Variants in ROBO1 observed in about 807,000 individuals in gnomAD.
ROBO1 encodes the protein roundabout homolog 1.
ROBO1 carries 149 observed loss-of-function variants against 195.9 expected under a neutral mutation model. That is an observed-to-expected ratio of 0.76 (90% confidence interval 0.67 to 0.87). The LOEUF is 0.87. ROBO1 is among the 40% of genes least tolerant of loss of function. ROBO1 has a pLI of 0.00. For missense variants in ROBO1, 1,933 were observed against 2,068.3 expected (o/e 0.93, Z 1.27); for synonymous variants, 816 against 733.2 (o/e 1.11, Z -1.82).
chr3:79,199,769 G>A (rs1164393723), intron 2 of ROBO1, among the ~76,000 whole-genome samples: 2 of 151,396 alleles, frequency 1.3e-5, no homozygotes, highest in African/African-American at 2.4e-5. Context: ...TTCAATCGTA[G>A]TACATTATTG....
chr3:79,108,485 A>C (rs2079826203), intron 3 of ROBO1, among the ~76,000 whole-genome samples: 1 of 151,856 alleles, frequency 6.6e-6, no homozygotes, highest in Non-Finnish European at 1.5e-5. Flanking sequence ...AATGTTAATA[A>C]CAATTTTTGT....
chr3:79,294,646 A>G (rs566370963), intron 2 of ROBO1, among the ~76,000 whole-genome samples: 1 of 152,194 alleles, frequency 6.6e-6, no homozygotes, highest in Non-Finnish European at 1.5e-5. Context: ...AGAAACAATC[A>G]TAAGGGTGAA....
intron 4 of ROBO1, among the ~76,000 whole-genome samples, chr3:78,861,898 G>A (rs1419250601): frequency 6.6e-6 from 1 of 152,190 alleles, no homozygotes; most frequent in Admixed American, 6.5e-5. Context: ...AACAGGGAAA[G>A]GCTGCCTGCC....
chr3:79,618,046 C>T (rs2107959990), intron 1 of ROBO1, among the ~76,000 whole-genome samples: 1 of 151,660 alleles, frequency 6.6e-6, no homozygotes, highest in South Asian at 2.1e-4. Flanking sequence ...AGACCAGGTC[C>T]TGTGAATTAA....
At chr3:78,662,773 T>C (rs192270843) in intron 14 of ROBO1, among the ~76,000 whole-genome samples, 1 of 152,308 alleles carries the variant, frequency 6.6e-6, no homozygotes, top group Admixed American at 6.5e-5. Flanking sequence ...AGTTTAGTTA[T>C]TGTATCATAG....
chr3:79,728,689 C>A (rs1342067157), intron 1 of ROBO1, among the ~76,000 whole-genome samples: 1 of 152,056 alleles, frequency 6.6e-6, no homozygotes, highest in Non-Finnish European at 1.5e-5. Context: ...AATCATTTCT[C>A]TGGTTAATTT....
intron 1 of ROBO1, among the ~76,000 whole-genome samples, chr3:79,699,155 C>G (rs150547905): frequency 6.6e-6 from 1 of 150,710 alleles, no homozygotes. Flanking sequence ...AAAAACAGTA[C>G]GTTTGAGTGA....
chr3:78,642,432 G>T (rs902524318), intron 21 of ROBO1, among the ~76,000 whole-genome samples: 4 of 152,174 alleles, frequency 2.6e-5, no homozygotes, highest in African/African-American at 7.2e-5. Flanking sequence ...CCCACTGGCA[G>T]ATTGAATGAG....
In ROBO1 at chr3:79,087,400, C is replaced by T. The variant is rs1038561702; in HGVS notation, c.172+38056G>A. Reference sequence around the variant, plus strand: ...AATGAAATAGAGGCAGGTTTCCAAACCTTTAATGATGTGATTAGTAAAAGA... The same window carrying T: ...AATGAAATAGAGGCAGGTTTCCAAATCTTTAATGATGTGATTAGTAAAAGA... On this transcript the variant is annotated intron_variant, in intron 3 of 30. Coordinates refer to ENST00000464233, the MANE Select transcript of ROBO1 (RefSeq NM_002941.4). 5.9e-5 allele frequency among the ~76,000 whole-genome samples: 9 copies of T among 152,128 alleles called. No homozygotes were observed. The East Asian group carries it at 1.7e-3, about 29-fold the overall frequency.
At chr3:79,603,158 G>T (rs1200922125) in intron 1 of ROBO1, among the ~76,000 whole-genome samples, 1 of 151,906 alleles carries the variant, frequency 6.6e-6, no homozygotes, top group Admixed American at 6.6e-5. Flanking sequence ...GTGAAATTGA[G>T]ATGGCTTGAA....
At chr3:79,458,382 A>T (rs2039687932) in intron 2 of ROBO1, among the ~76,000 whole-genome samples, 1 of 152,194 alleles carries the variant, frequency 6.6e-6, no homozygotes, top group South Asian at 2.1e-4. Context: ...ACTTCTTATG[A>T]AACACAATGC....
chr3:79,767,003 G>A (rs561889833), intron 1 of ROBO1, among the ~76,000 whole-genome samples: 1 of 151,794 alleles, frequency 6.6e-6, no homozygotes, highest in South Asian at 2.1e-4. Flanking sequence ...CAAAGTCCCC[G>A]CTGGCTTAGC....
At chr3:79,388,099 A>G (rs922756073) in intron 2 of ROBO1, among the ~76,000 whole-genome samples, 1 of 152,130 alleles carries the variant, frequency 6.6e-6, no homozygotes, top group Non-Finnish European at 1.5e-5. Flanking sequence ...TCATCTTTTG[A>G]CTGATCTTTT....
chr3:79,747,202 G>T (rs1298695464), intron 1 of ROBO1, among the ~76,000 whole-genome samples: 1 of 151,986 alleles, frequency 6.6e-6, no homozygotes, highest in East Asian at 1.9e-4. Context: ...AAAATGCAAT[G>T]CACTCAGGGA....
chr3:78,964,382 G>A (rs1317868669), intron 3 of ROBO1, among the ~76,000 whole-genome samples: 1 of 152,114 alleles, frequency 6.6e-6, no homozygotes, highest in Non-Finnish European at 1.5e-5. Flanking sequence ...CAAATGGGGT[G>A]TACAGGGGCA....
At chr3:78,871,076 T>C (rs1321199614) in intron 4 of ROBO1, among the ~76,000 whole-genome samples, 2 of 152,132 alleles carry the variant, frequency 1.3e-5, no homozygotes, top group African/African-American at 4.8e-5. Flanking sequence ...AAATACGAGA[T>C]GCTGCATCAC....
chr3:78,916,385 C>G (rs2038589930), intron 4 of ROBO1, among the ~76,000 whole-genome samples: 1 of 151,700 alleles, frequency 6.6e-6, no homozygotes, highest in South Asian at 2.1e-4. Context: ...AACCCCATCT[C>G]TACTAAAAAT....
Position 79,255,876 on chromosome 3 carries a change from G to C in ROBO1, c.89-130337C>G, listed in dbSNP as rs568429690. Among the ~76,000 whole-genome samples the C allele has an allele frequency of 7.0e-4, 106 of 152,246 alleles. 2 individuals are homozygous for C. In the South Asian group the frequency reaches 8.1e-3, roughly 12 times the overall value. On this transcript the variant is annotated intron_variant, in intron 2 of 30. Transcript: ENST00000464233. ...GTGAGGTAACATCTGCCTCAAAGCTGGGTCAGGATGGAGGCTGGATCATCT... is the reference window on the plus strand; with the variant it reads ...GTGAGGTAACATCTGCCTCAAAGCTCGGTCAGGATGGAGGCTGGATCATCT...
intron 1 of ROBO1, among the ~76,000 whole-genome samples, chr3:79,743,895 C>A (rs145983899): frequency 6.6e-6 from 1 of 152,150 alleles, no homozygotes; most frequent in Non-Finnish European, 1.5e-5. Flanking sequence ...GTCGTCTCTA[C>A]GGTAACACTG....
Sources: gnomAD v4.1 joint callset for allele counts (sites outside exome capture counted in the v4.1 genomes callset) on GRCh38, gnomAD v4.1.1 for gene constraint, MANE v1.5 for transcripts, NCBI Gene and HGNC (gene_info 2026-07-23, HGNC 2026-07-21) for gene names.